ITPKB: variants seen among roughly 807,000 people sequenced by gnomAD.
ITPKB encodes the protein inositol-trisphosphate 3-kinase B.
ITPKB carries 13 observed loss-of-function variants against 69.4 expected under a neutral mutation model. The ratio of observed to expected loss-of-function variants is 0.19; its 90% CI spans 0.12 to 0.30. The LOEUF (loss-of-function observed/expected upper bound fraction) is 0.30, where lower values mean the gene tolerates loss of function less well. Among genes scored for constraint, ITPKB ranks in the 10% least tolerant of loss-of-function variants. The pLI, the probability that ITPKB is intolerant of heterozygous loss-of-function variation, is 1.00. For missense variants in ITPKB, 1,240 were observed against 1,250.5 expected, an observed-to-expected ratio of 0.99 and a Z score of 0.13; for synonymous variants, 584 against 513.7, an observed-to-expected ratio of 1.14 and a Z score of -1.85.
intron 2 of ITPKB, among the ~76,000 whole-genome samples, chr1:226,703,541 G>A (rs1656726303): frequency 6.6e-6 from 1 of 152,060 alleles, no homozygotes; most frequent in African/African-American, 2.4e-5. Context: ...TCTGCCCGCC[G>A]CCCACGCGCG....
chr1:226,649,367 T>TGG (rs1553317010), intron 2 of ITPKB, among the ~76,000 whole-genome samples: 1 of 131,288 alleles, frequency 7.6e-6, no homozygotes, highest in African/African-American at 2.9e-5. Flanking sequence ...TGTGCATGTG[T>TGG]GCATGTGATT....
chr1:226,648,018 A>G (rs1669097825), intron 3 of ITPKB, among the ~76,000 whole-genome samples: 1 of 152,212 alleles, frequency 6.6e-6, no homozygotes, highest in Non-Finnish European at 1.5e-5. Flanking sequence ...AGCCCCTGAC[A>G]TGTCTCCAGA....
intron 2 of ITPKB, among the ~76,000 whole-genome samples, chr1:226,700,468 A>T (rs1192438311): frequency 2.4e-4 from 3 of 12,530 alleles, no homozygotes; most frequent in African/African-American, 3.5e-4. Flanking sequence ...ACTCCGTCAA[A>T]AAAAAAAAAA....
At chr1:226,653,878 G>A (rs1359715757) in intron 2 of ITPKB, among the ~76,000 whole-genome samples, 1 of 152,236 alleles carries the variant, frequency 6.6e-6, no homozygotes, top group Non-Finnish European at 1.5e-5. Flanking sequence ...AAGAGCACTG[G>A]TCTGAGCTTT....
intron 2 of ITPKB, among the ~76,000 whole-genome samples, chr1:226,712,046 T>C (rs1476749287): frequency 6.6e-6 from 1 of 152,182 alleles, no homozygotes; most frequent in African/African-American, 2.4e-5. Context: ...CTTCAGGAAA[T>C]GTTCTCCCCG....
At chr1:226,668,989 A>G (rs555903517) in intron 2 of ITPKB, 1 of 152,324 alleles carries the variant, frequency 6.6e-6, no homozygotes, top group Admixed American at 6.5e-5. Context: ...TGCTGGCATC[A>G]TATACACAAA....
chr1:226,705,990 A>G (rs1245356844), intron 2 of ITPKB, among the ~76,000 whole-genome samples: 1 of 152,114 alleles, frequency 6.6e-6, no homozygotes, highest in African/African-American at 2.4e-5. Flanking sequence ...CAACCCAACC[A>G]GTTTGTTGCC....
At chr1:226,728,802 G>C (rs890335237) in intron 2 of ITPKB, among the ~76,000 whole-genome samples, 15 of 152,136 alleles carry the variant, frequency 9.9e-5, no homozygotes, top group African/African-American at 3.6e-4. Flanking sequence ...GAGCTTGCTA[G>C]CCATGTGTAG....
intron 2 of ITPKB, among the ~76,000 whole-genome samples, chr1:226,710,199 A>C (rs1656908971): frequency 6.6e-6 from 1 of 152,150 alleles, no homozygotes; most frequent in South Asian, 2.1e-4. Context: ...AATGTCCCTC[A>C]GAAGAACAGA....
chr1:226,711,440 A>T (rs34125448), intron 2 of ITPKB, among the ~76,000 whole-genome samples: 2,866 of 95,236 alleles, frequency 0.03, 37 homozygotes, highest in East Asian at 0.11. Context: ...AGAGAGAGAG[A>T]GAGTGTGTGT....
intron 2 of ITPKB, among the ~76,000 whole-genome samples, chr1:226,708,439 C>T (rs1189557642): frequency 2.6e-5 from 4 of 152,220 alleles, no homozygotes; most frequent in Non-Finnish European, 4.4e-5. Context: ...ATAAGCCACT[C>T]CCATGCCAGA....
Position 226,632,613 on chromosome 1 carries a change from C to T in ITPKB, c.*2058G>A, listed in dbSNP as rs896505189. The T allele has an allele frequency of 7.2e-5, 11 of 152,622 alleles. No individual in the cohort carries two copies. Among genetic ancestry groups the T allele is most frequent in the Admixed American group, 6.5e-4 (10 of 15,286 alleles). 9.5% of individuals were successfully genotyped at this position (152,622 alleles called of 1,614,324 possible). Reference sequence around the variant, plus strand: ...TCACATATTTAATGTAACCCACAGCCAAGTATTGCCAATAAGAGGCCCCAT... The same window carrying T: ...TCACATATTTAATGTAACCCACAGCTAAGTATTGCCAATAAGAGGCCCCAT... On this transcript the variant is annotated 3_prime_UTR_variant, in exon 8 of 8. Transcript: ENST00000429204.
At position 226,647,242 on chromosome 1, in the gene ITPKB, T is replaced by TCC; in HGVS notation, c.2169_2170dup (p.Glu724GlyfsTer19). 6.2e-7 allele frequency: 1 copy of TCC among 1,614,016 alleles called. No individual in the cohort carries two copies. The highest frequency in any genetic ancestry group is 8.5e-7 in the Non-Finnish European group (1 of 1,179,916). ...CAGGTCGTCCATCTGGTTGTAGCGC[T>TCC]CCCCGTCCTTCACCACATCCCCATG... On this transcript the variant is annotated frameshift_variant, in exon 4 of 8. Coordinates refer to ENST00000429204, the MANE Select transcript of ITPKB (RefSeq NM_002221.4). LOFTEE classifies it high-confidence loss of function.
chr1:226,726,514 A>G (rs1342703807), intron 2 of ITPKB, among the ~76,000 whole-genome samples: 3 of 152,090 alleles, frequency 2.0e-5, no homozygotes, highest in East Asian at 1.9e-4. Flanking sequence ...TGTCTCTACT[A>G]AAAAATAAAA....
At chr1:226,647,459 G>A (rs1328295659) in intron 3 of ITPKB, 79 bp from the exon 4 acceptor site, 2 of 1,037,796 alleles carry the variant, frequency 1.9e-6, no homozygotes, top group Non-Finnish European at 2.9e-6. Flanking sequence ...ACAGGGTCTG[G>A]GCCTCCCTGG....
chr1:226,655,956 C>T (rs1471470411), intron 2 of ITPKB, among the ~76,000 whole-genome samples: 1 of 152,212 alleles, frequency 6.6e-6, no homozygotes, highest in Non-Finnish European at 1.5e-5. Flanking sequence ...TTCTCTCAGG[C>T]CTGTGGAGTT....
chr1:226,686,022 C>T (rs1389221010), intron 2 of ITPKB, among the ~76,000 whole-genome samples: 1 of 152,144 alleles, frequency 6.6e-6, no homozygotes, highest in Non-Finnish European at 1.5e-5. Context: ...GACATTATTG[C>T]AGAAAGCAAC....
chr1:226,687,862 C>T (rs1252648346), intron 2 of ITPKB, among the ~76,000 whole-genome samples: 1 of 152,202 alleles, frequency 6.6e-6, no homozygotes, highest in Non-Finnish European at 1.5e-5. Flanking sequence ...TAAAAAGATA[C>T]TGCTTCCGAG....
chr1:226,700,443 T>C (rs552731700), intron 2 of ITPKB, among the ~76,000 whole-genome samples: 34 of 112,070 alleles, frequency 3.0e-4, no homozygotes, highest in African/African-American at 1.1e-3. Flanking sequence ...CACTCCAGCC[T>C]GGCAACGGAG....
Sources: gnomAD v4.1 joint callset for allele counts (sites outside exome capture counted in the v4.1 genomes callset) on GRCh38, gnomAD v4.1.1 for gene constraint, MANE v1.5 for transcripts, NCBI Gene and HGNC (gene_info 2026-07-23, HGNC 2026-07-21) for gene names.